The following GPHN variants were observed in gnomAD, a reference collection of about 807,000 sequenced individuals.
The protein encoded by GPHN is gephyrin.
In GPHN, 17 loss-of-function variants were observed where a neutral mutation model predicts 95.5. The observed-to-expected ratio is 0.18, with a 90% CI of 0.12 to 0.27. The LOEUF (loss-of-function observed/expected upper bound fraction) is 0.27. Ranked by LOEUF, GPHN falls within the 10% of genes least tolerant of loss-of-function variation. The pLI is 1.00. For synonymous variants in GPHN, 320 were observed against 322.5 expected, an observed-to-expected ratio of 0.99 and a Z score of 0.08; for missense variants, 660 against 978.1, an observed-to-expected ratio of 0.67 and a Z score of 4.34.
chr14:67,228,632 T>C, the GPHN span: 1 of 152,248 alleles, frequency 6.6e-6, no homozygotes, highest in African/African-American at 2.4e-5. Flanking sequence ...GCTAGAGGAT[T>C]ATGCAAAACG....
At chr14:66,971,835 C>T (rs998601457) in intron 9 of GPHN, among the ~76,000 whole-genome samples, 2 of 151,990 alleles carry the variant, frequency 1.3e-5, no homozygotes, top group African/African-American at 4.8e-5. Context: ...CAAAAGTTGA[C>T]ATATTTTGTT....
intron 1 of GPHN, among the ~76,000 whole-genome samples, chr14:66,525,641 A>T (rs932137995): frequency 1.3e-5 from 2 of 152,068 alleles, no homozygotes; most frequent in Admixed American, 6.6e-5. Flanking sequence ...ACATTTAAGT[A>T]TTTAATCTGT....
chr14:66,726,897 T>G (rs1483611600), intron 2 of GPHN, among the ~76,000 whole-genome samples: 1 of 152,210 alleles, frequency 6.6e-6, no homozygotes, highest in Non-Finnish European at 1.5e-5. Flanking sequence ...AAAATCATCT[T>G]TATGCTACGA....
At chr14:66,693,484 A>T (rs1451122796) in intron 2 of GPHN, among the ~76,000 whole-genome samples, 1 of 152,200 alleles carries the variant, frequency 6.6e-6, no homozygotes, top group Non-Finnish European at 1.5e-5. Context: ...TATTAGGAGA[A>T]TTGACTCATG....
chr14:67,133,920 C>T (rs896729174), intron 17 of GPHN, among the ~76,000 whole-genome samples: 3 of 152,144 alleles, frequency 2.0e-5, no homozygotes, highest in Admixed American at 6.5e-5. Context: ...ATTCATTTCA[C>T]TCAAGTCAAA....
chr14:67,097,714 T>C (rs1400441634), intron 12 of GPHN, among the ~76,000 whole-genome samples: 4 of 152,160 alleles, frequency 2.6e-5, no homozygotes, highest in African/African-American at 9.7e-5. Context: ...TTGGAGTGGT[T>C]TTCTTAATTT....
chr14:67,045,539 CTGTG>C (rs904384287), intron 10 of GPHN, among the ~76,000 whole-genome samples: 18 of 151,512 alleles, frequency 1.2e-4, no homozygotes, highest in Non-Finnish European at 2.5e-4. Flanking sequence ...ATTTGTCTCT[CTGTG>C]TGTGTCTCTC....
the GPHN span, among the ~76,000 whole-genome samples, chr14:67,465,212 G>A: frequency 4.6e-5 from 7 of 152,242 alleles, no homozygotes; most frequent in Non-Finnish European, 8.8e-5. Context: ...GAAGCTCCAC[G>A]GAGATAGAAA....
the GPHN span, among the ~76,000 whole-genome samples, chr14:67,516,287 T>C: frequency 7.2e-5 from 11 of 152,092 alleles, no homozygotes; most frequent in Non-Finnish European, 1.5e-4. Flanking sequence ...GGGGTGTCCT[T>C]TTGTCACTAA....
At chr14:67,663,932 G>A in the GPHN span, among the ~76,000 whole-genome samples, 1 of 152,222 alleles carries the variant, frequency 6.6e-6, no homozygotes, top group East Asian at 1.9e-4. Flanking sequence ...ACAAAATGAG[G>A]AAGTAGGTCA....
the GPHN span, among the ~76,000 whole-genome samples, chr14:67,441,341 T>C: frequency 2.0e-5 from 3 of 152,088 alleles, no homozygotes; most frequent in African/African-American, 7.2e-5. Flanking sequence ...CAGAGGTAAA[T>C]TCAGTCCTCC....
chr14:67,326,624 T>G, the GPHN span, among the ~76,000 whole-genome samples: 4 of 152,178 alleles, frequency 2.6e-5, no homozygotes, highest in Non-Finnish European at 5.9e-5. Context: ...CCTTTGAAGT[T>G]AATACCCCTC....
chr14:67,139,784 C>G (rs998384352), intron 17 of GPHN, among the ~76,000 whole-genome samples: 6 of 152,086 alleles, frequency 3.9e-5, no homozygotes, highest in African/African-American at 1.5e-4. Context: ...AAGCGTACAA[C>G]AGAAAGGAGA....
At chr14:67,496,206 A>C in the GPHN span, among the ~76,000 whole-genome samples, 1 of 151,946 alleles carries the variant, frequency 6.6e-6, no homozygotes, top group African/African-American at 2.4e-5. Flanking sequence ...TATTTTTAAA[A>C]ATTTTGTATC....
chr14:66,691,758 A>G (rs143198192), intron 2 of GPHN, among the ~76,000 whole-genome samples: 2 of 152,216 alleles, frequency 1.3e-5, no homozygotes, highest in Non-Finnish European at 1.5e-5. Context: ...AGTGAGCTAA[A>G]TAATTTATCA....
chr14:66,681,039 G>A, intron 1 of GPHN, 68 bp from the exon 2 acceptor site: 1 of 888,570 alleles, frequency 1.1e-6, no homozygotes, highest in Non-Finnish European at 1.9e-6. Flanking sequence ...ATGTCTTTTG[G>A]TCAGCAATAG....
At chr14:67,255,134 C>A in the GPHN span, among the ~76,000 whole-genome samples, 1 of 151,498 alleles carries the variant, frequency 6.6e-6, no homozygotes, top group African/African-American at 2.4e-5. Context: ...GGCAACAGAG[C>A]GAGACTCCAT....
intron 1 of GPHN, 120 bp from the exon 2 acceptor site, chr14:66,680,987 T>A: frequency 1.5e-6 from 1 of 646,630 alleles, no homozygotes; most frequent in Non-Finnish European, 2.7e-6. Flanking sequence ...ATAGTAATGT[T>A]TGGGGAAAAA....
intron 1 of GPHN, among the ~76,000 whole-genome samples, chr14:66,651,208 C>T (rs2065025369): frequency 6.6e-6 from 1 of 152,140 alleles, no homozygotes; most frequent in African/African-American, 2.4e-5. Flanking sequence ...ATTTCAGTGA[C>T]ACAGAAAGGG....
Sources: gnomAD v4.1 joint callset for allele counts (sites outside exome capture counted in the v4.1 genomes callset) on GRCh38, gnomAD v4.1.1 for gene constraint, MANE v1.5 for transcripts, NCBI Gene and HGNC (gene_info 2026-07-23, HGNC 2026-07-21) for gene names.